Variants in LARGE1 observed in about 807,000 individuals in gnomAD.
The protein encoded by LARGE1 is LARGE xylosyl- and glucuronyltransferase 1.
In LARGE1, 43 loss-of-function variants were observed where a neutral mutation model predicts 87.6. That is an observed-to-expected ratio of 0.49 (90% confidence interval 0.38 to 0.63). LARGE1 has a LOEUF of 0.63. Among genes scored for constraint, LARGE1 ranks in the 30% least tolerant of loss-of-function variants. The probability of loss-of-function intolerance (pLI) is 0.00; values close to 1 mark genes in which losing one functional copy is unlikely to be tolerated. For synonymous variants in LARGE1, 434 were observed against 394.6 expected (o/e 1.10, Z -1.18); for missense variants, 802 against 1,000.2 (o/e 0.80, Z 2.67).
intron 1 of LARGE1, among the ~76,000 whole-genome samples, chr22:33,917,554 T>C (rs2065823081): frequency 6.6e-6 from 1 of 152,202 alleles, no homozygotes; most frequent in Non-Finnish European, 1.5e-5. Context: ...CATGTGATTT[T>C]ATGATGACTG....
At chr22:33,692,583 T>C (rs2082127741) in intron 2 of LARGE1, among the ~76,000 whole-genome samples, 1 of 152,258 alleles carries the variant, frequency 6.6e-6, no homozygotes, top group African/African-American at 2.4e-5. Flanking sequence ...AGTGGTGGAA[T>C]TATAGGCGTG....
chr22:33,678,706 G>T (rs1021382247), intron 2 of LARGE1, among the ~76,000 whole-genome samples: 1 of 152,204 alleles, frequency 6.6e-6, no homozygotes, highest in African/African-American at 2.4e-5. Context: ...GATCCGAGGA[G>T]AGTGTGGGTA....
chr22:33,587,511 AT>A (rs200582488), intron 5 of LARGE1, among the ~76,000 whole-genome samples: 1 of 151,832 alleles, frequency 6.6e-6, no homozygotes, highest in Non-Finnish European at 1.5e-5. Flanking sequence ...TACCATTTGC[AT>A]TTTTTTGCGA....
At chr22:33,782,161 T>G (rs1383289727) in intron 1 of LARGE1, among the ~76,000 whole-genome samples, 2 of 152,196 alleles carry the variant, frequency 1.3e-5, no homozygotes, top group Non-Finnish European at 2.9e-5. Context: ...GCTGTTTGTT[T>G]TATCCTCCTC....
intron 2 of LARGE1, among the ~76,000 whole-genome samples, chr22:33,760,476 C>G (rs907655508): frequency 3.9e-5 from 6 of 152,206 alleles, no homozygotes; most frequent in African/African-American, 1.4e-4. Flanking sequence ...CAACAAACCT[C>G]TCCCACAGCA....
At chr22:33,098,447 G>A in the LARGE1 span, among the ~76,000 whole-genome samples, 4 of 151,888 alleles carry the variant, frequency 2.6e-5, no homozygotes, top group Admixed American at 1.3e-4. Context: ...GTGAAACCCC[G>A]TCTCTACTAA....
chr22:33,151,575 CT>C, the LARGE1 span, among the ~76,000 whole-genome samples: 1 of 152,076 alleles, frequency 6.6e-6, no homozygotes, highest in East Asian at 1.9e-4. Context: ...TAGCTATTGT[CT>C]TTTTGTTGTT....
At chr22:33,072,870 C>G in the LARGE1 span, among the ~76,000 whole-genome samples, 1 of 152,180 alleles carries the variant, frequency 6.6e-6, no homozygotes, top group South Asian at 2.1e-4. Context: ...GAAGGTTGTT[C>G]GTAGTCCTGG....
chr22:33,768,993 C>T (rs2084987283), intron 1 of LARGE1, among the ~76,000 whole-genome samples: 1 of 152,172 alleles, frequency 6.6e-6, no homozygotes, highest in Non-Finnish European at 1.5e-5. Flanking sequence ...CAGAGCTGGC[C>T]ACCCCTTCTC....
intron 10 of LARGE1, among the ~76,000 whole-genome samples, chr22:33,321,759 T>C (rs1936734348): frequency 6.6e-6 from 1 of 152,172 alleles, no homozygotes; most frequent in South Asian, 2.1e-4. Flanking sequence ...AAAATGGGCA[T>C]TAGTGAGTGG....
At chr22:33,796,543 A>G (rs1016594479) in intron 1 of LARGE1, among the ~76,000 whole-genome samples, 11 of 152,206 alleles carry the variant, frequency 7.2e-5, no homozygotes, top group African/African-American at 2.4e-4. Flanking sequence ...AAAGCAAAAT[A>G]TAAATCTTTA....
chr22:33,813,688 G>T (rs2086568116), intron 1 of LARGE1, among the ~76,000 whole-genome samples: 1 of 152,166 alleles, frequency 6.6e-6, no homozygotes, highest in African/African-American at 2.4e-5. Flanking sequence ...ATCTCATGGT[G>T]AAATCCATCT....
chr22:33,716,827 C>T (rs2082922981), intron 2 of LARGE1, among the ~76,000 whole-genome samples: 2 of 152,194 alleles, frequency 1.3e-5, no homozygotes, highest in African/African-American at 2.4e-5. Flanking sequence ...ACTGTTGGCT[C>T]ATAGTTGAAG....
At chr22:33,497,166 C>T (rs2070178330) in intron 6 of LARGE1, among the ~76,000 whole-genome samples, 1 of 151,144 alleles carries the variant, frequency 6.6e-6, no homozygotes, top group African/African-American at 2.4e-5. Flanking sequence ...ACCTCTGACT[C>T]CCTGGTTCAA....
the LARGE1 span, among the ~76,000 whole-genome samples, chr22:33,067,035 T>C: frequency 6.6e-6 from 1 of 151,926 alleles, no homozygotes; most frequent in Non-Finnish European, 1.5e-5. Flanking sequence ...GATGCTGAGT[T>C]CCAGCAGCAT....
the LARGE1 span, among the ~76,000 whole-genome samples, chr22:33,070,837 C>T: frequency 9.3e-3 from 1,423 of 152,226 alleles, 15 homozygotes; most frequent in South Asian, 0.026. Flanking sequence ...GAAGGGTGAA[C>T]AGCATGAGCA....
chr22:33,412,736 C>T (rs998954012), intron 7 of LARGE1, among the ~76,000 whole-genome samples: 1 of 152,220 alleles, frequency 6.6e-6, no homozygotes, highest in Admixed American at 6.5e-5. Context: ...TCTCAGCTCA[C>T]TGCAACCTCT....
At chr22:33,274,706 G>T in intron 14 of LARGE1, 82 bp from the exon 15 acceptor site, 3 of 1,216,468 alleles carry the variant, frequency 2.5e-6, no homozygotes, top group Non-Finnish European at 3.7e-6. Context: ...TGATTGAATG[G>T]CTAGTGAATG....
chr22:33,485,554 GCAA>G, intron 6 of LARGE1, among the ~76,000 whole-genome samples: 1 of 152,174 alleles, frequency 6.6e-6, no homozygotes, highest in Non-Finnish European at 1.5e-5. Context: ...ATAAAAATAT[GCAA>G]ACTAGAAATA....
Sources: gnomAD v4.1 joint callset for allele counts (sites outside exome capture counted in the v4.1 genomes callset) on GRCh38, gnomAD v4.1.1 for gene constraint, MANE v1.5 for transcripts, NCBI Gene and HGNC (gene_info 2026-07-23, HGNC 2026-07-21) for gene names.